ADPRHL1: variants seen among roughly 807,000 people sequenced by gnomAD.
ADPRHL1 encodes the protein inactive ADP-ribosyltransferase ARH2.
ADPRHL1 carries 43 observed loss-of-function variants against 44.1 expected under a neutral mutation model. That is an observed-to-expected ratio of 0.98 (90% CI 0.76 to 1.26). The LOEUF (loss-of-function observed/expected upper bound fraction) is 1.26. Ranked by LOEUF, ADPRHL1 falls within the 50% of genes most tolerant of loss-of-function variation. The pLI, the probability that ADPRHL1 is intolerant of heterozygous loss-of-function variation, is 0.00. For synonymous variants in ADPRHL1, 878 were observed against 1,017.4 expected, an observed-to-expected ratio of 0.86 and a Z score of 2.61; for missense variants, 2,022 against 2,496.9, an observed-to-expected ratio of 0.81 and a Z score of 4.05.
At chr13:113,414,083 G>A (rs936378434) in intron 7 of ADPRHL1, among the ~76,000 whole-genome samples, 1 of 152,222 alleles carries the variant, frequency 6.6e-6, no homozygotes, top group Non-Finnish European at 1.5e-5. Flanking sequence ...GGGCTCACCC[G>A]AGCCTGGCCC....
In ADPRHL1 at chr13:113,403,926, T is replaced by C. The variant is rs1421924683; in HGVS notation, c.5356A>G (p.Ile1786Val). ...ARDQGWEQTQ[I>V]ETQRQTQKGA... ...TTCTGGGTCTGCCTCTGAGTCTCTA[T>C]CTGGGTCTGCTCCCAGCCCTGATCC... Residue 1786 changes from isoleucine (I) to valine (V), a missense_variant, in exon 8 of 8, where the codon ATA becomes GTA. Transcript: ENST00000612156. The C allele has an allele frequency of 2.4e-6, 3 of 1,260,932 alleles. No homozygotes were observed. The highest frequency in any genetic ancestry group is 6.4e-5 in the East Asian group (2 of 31,080). The allele number at this position is 1,260,932 out of a possible 1,614,324, so 78.1% of individuals were successfully genotyped here. A position where few individuals can be genotyped will look rare whatever the true frequency, so the allele number is the denominator to read the frequency against.
rs1471206512 is a variant in ADPRHL1, at chr13:113,405,605, C to T, written c.3677G>A (p.Arg1226Gln). The T allele has an allele frequency of 4.9e-5, 60 of 1,232,500 alleles. No individual in the cohort carries two copies. The highest frequency in any genetic ancestry group is 6.1e-5 in the Non-Finnish European group (60 of 988,660). 76.3% of individuals were successfully genotyped at this position (1,232,500 alleles called of 1,614,324 possible). Residue 1226 changes from arginine to glutamine, a missense_variant, in exon 8 of 8, where the codon CGA becomes CAA. Around this residue, in one of 8 missense-constraint regions of ADPRHL1, gnomAD observed 1,221 missense variants for 1,517.8 expected, o/e 0.80. Coordinates refer to ENST00000612156, the MANE Select transcript of ADPRHL1 (RefSeq NM_001394807.1). ...AALARHPEAARLYISNTSAAS... is the reference protein window; with the variant it reads ...AALARHPEAAQLYISNTSAAS... ...TGCTGATGTGTTTGAAATGTATAAT[C>T]GGGCCGCCTCTGGGTGCCGGGCGAG... is the stretch of plus-strand genomic sequence containing the variant.
Position 113,407,290 on chromosome 13 carries a change from G to A in ADPRHL1, c.1992C>T (p.Pro664=), listed in dbSNP as rs1037305531. 1.4e-5 allele frequency: 17 copies of A among 1,232,018 alleles called. No homozygotes were observed. Among genetic ancestry groups the A allele is most frequent in the Non-Finnish European group, 1.7e-5 (17 of 988,062 alleles). 76.3% of individuals were successfully genotyped at this position (1,232,018 alleles called of 1,614,324 possible). ...CCTTTCCCACTGCTTTGTTCCCACT[G>A]GGCCCCGTCTCCCTGGCACTAGGGG... ...SVPPSARETG[P]SGNKAVGKGP... The change falls in exon 8 of 8, where the codon CCC becomes CCT. Residue 664 remains proline (P), a synonymous_variant. Coordinates refer to ENST00000612156, the MANE Select transcript of ADPRHL1 (RefSeq NM_001394807.1).
In ADPRHL1 at chr13:113,442,528, G is replaced by A. The variant is rs530317906; in HGVS notation, c.379+1897C>T. ...AGTAGCTTAATGATGTGGCTCCACC[G>A]TCTTCTCACTCACATCGCTCTGACA... On this transcript the variant is annotated intron_variant, in intron 2 of 7. Transcript: ENST00000612156. Among the ~76,000 whole-genome samples the A allele has an allele frequency of 1.8e-4, 27 of 152,276 alleles. 1 individual carries two copies. In the South Asian group the frequency reaches 5.2e-3, roughly 29 times the overall value.
chr13:113,403,846 C>A lies in ADPRHL1; in HGVS notation c.5436G>T (p.Gly1812=), dbSNP rs956253423. ...GCTGCTCCCAGGCCCGAGGCGCCATCCCACTTGTCAAGGCCTGTTCCCGAC... is the reference window on the plus strand; with the variant it reads ...GCTGCTCCCAGGCCCGAGGCGCCATACCACTTGTCAAGGCCTGTTCCCGAC... ...EQGREQALTS[G]MAPRAWEQPI... Residue 1812 remains glycine (G), a synonymous_variant, in exon 8 of 8, where the codon GGG becomes GGT. Coordinates refer to ENST00000612156, the MANE Select transcript of ADPRHL1 (RefSeq NM_001394807.1). 16 of 1,101,022 alleles carry A rather than the reference C, an allele frequency of 1.5e-5. No homozygotes were observed. The highest frequency in any genetic ancestry group is 5.6e-5 in the Admixed American group (1 of 17,700). 68.2% of individuals were successfully genotyped at this position (1,101,022 alleles called of 1,614,324 possible).
At chr13:113,424,997 T>TTATTGAG in intron 5 of ADPRHL1, 55 bp downstream of exon 5, 1 of 1,605,140 alleles carries the variant, frequency 6.2e-7, no homozygotes, top group Non-Finnish European at 8.5e-7. Context: ...TGCTATGCAC[T>TTATTGAG]TATTGAGCAC....
chr13:113,407,981 G>A lies in ADPRHL1; in HGVS notation c.1301C>T (p.Ala434Val), dbSNP rs1027490679. 4.9e-6 allele frequency: 6 copies of A among 1,232,124 alleles called. No individual in the cohort carries two copies. The highest frequency in any genetic ancestry group is 8.4e-5 in the Admixed American group (2 of 23,714). 76.3% of individuals were successfully genotyped at this position (1,232,124 alleles called of 1,614,324 possible). The stretch of plus-strand genomic sequence containing the variant: ...CTCCCGGCCAGTGCCCAGGAACTTG[G>A]CCTGCAGGAGCTGGAAGCGCGTGGG... ...QRPTRFQLLQ[A>V]KFLGTGRERY... The change falls in exon 8 of 8, where the codon GCC (alanine) becomes GTC (valine). Residue 434 changes from alanine (A) to valine (V), a missense_variant. Transcript: ENST00000612156.
intron 2 of ADPRHL1, among the ~76,000 whole-genome samples, chr13:113,435,489 T>C (rs1312549021): frequency 1.5e-3 from 63 of 42,786 alleles, no homozygotes; most frequent in Admixed American, 1.8e-3. Flanking sequence ...CACCCAGGTG[T>C]AGAGTGAACA....
rs1354552966 is a variant in ADPRHL1, at chr13:113,409,063, G to A, written c.1062-843C>T. ...CTTAGAGGAGCCACTGAGGCTGGGG[G>A]CTGCCGCCCTTTCCCAGTGAGATGT... is the stretch of plus-strand genomic sequence containing the variant. On this transcript the variant is annotated intron_variant, in intron 7 of 7. Transcript: ENST00000612156. The surrounding 1 kb of genome is among the most constrained non-coding windows in gnomAD (Gnocchi z 4.2). Among the ~76,000 whole-genome samples, 1 of 152,244 alleles carries A rather than the reference G, an allele frequency of 6.6e-6. No homozygotes were observed. Among genetic ancestry groups the A allele is most frequent in the Non-Finnish European group, 1.5e-5 (1 of 68,044 alleles).
rs866482844 is a variant in ADPRHL1, at chr13:113,400,227, G to C, written c.*3151C>G. On this transcript the variant is annotated 3_prime_UTR_variant, in exon 8 of 8. Coordinates refer to ENST00000612156, the MANE Select transcript of ADPRHL1 (RefSeq NM_001394807.1). ...GTGGCGCAATCTCGGCTCACTGCAA[G>C]CTCCACCTCCCGGGTTCACGCCATT... is the stretch of plus-strand genomic sequence containing the variant. 4 of 145,756 alleles carry C rather than the reference G, an allele frequency of 2.7e-5. No homozygotes were observed. The highest frequency in any genetic ancestry group is 7.6e-5 in the African/African-American group (3 of 39,276). 9.0% of individuals were successfully genotyped at this position (145,756 alleles called of 1,614,324 possible).
In ADPRHL1 at chr13:113,432,716, C is replaced by T. The variant is rs573703547; in HGVS notation, c.505+1026G>A. 2.0e-5 allele frequency among the ~76,000 whole-genome samples: 3 copies of T among 152,072 alleles called. No individual in the cohort carries two copies. The South Asian group carries it at 6.2e-4, about 32-fold the overall frequency. ...GTGTTGATCGAAGGCCGGTTGCTCA[C>T]CGCTGTTCTCACGGAGGGGTGGGCA... On this transcript the variant is annotated intron_variant, in intron 3 of 7. Transcript: ENST00000612156.
chr13:113,404,497 C>T lies in ADPRHL1; in HGVS notation c.4785G>A (p.Gln1595=). 7.6e-7 allele frequency: 1 copy of T among 1,315,790 alleles called. No individual in the cohort carries two copies. Among genetic ancestry groups the T allele is most frequent in the Non-Finnish European group, 9.6e-7 (1 of 1,039,874 alleles). The allele number at this position is 1,315,790 out of a possible 1,614,324, so 81.5% of individuals were successfully genotyped here. The change falls in exon 8 of 8, where the codon CAG becomes CAA. Residue 1595 remains glutamine, a synonymous_variant. Coordinates refer to ENST00000612156, the MANE Select transcript of ADPRHL1 (RefSeq NM_001394807.1). ...CCTCTCCTTGAACCTGTTTCTGGGCCTGTCCCTGAATCTGCCCCTGAGCCC... is the reference window on the plus strand; with the variant it reads ...CCTCTCCTTGAACCTGTTTCTGGGCTTGTCCCTGAATCTGCCCCTGAGCCC... ...QKWAQGQIQG[Q]AQKQVQGEVQ...
At chr13:113,420,956 G>C (rs1452228568) in intron 7 of ADPRHL1, among the ~76,000 whole-genome samples, 4 of 3,132 alleles carry the variant, frequency 1.3e-3, no homozygotes, top group African/African-American at 2.7e-3. Flanking sequence ...TACCCCCCCC[G>C]ACACGCCCTG....
chr13:113,411,613 AC>A (rs1247910498), intron 7 of ADPRHL1, among the ~76,000 whole-genome samples: 1 of 152,182 alleles, frequency 6.6e-6, no homozygotes, highest in Non-Finnish European at 1.5e-5. Flanking sequence ...ATCATCTGAG[AC>A]ACGTTTTCAC....
At chr13:113,446,040 C>G (rs1281799947) in intron 1 of ADPRHL1, among the ~76,000 whole-genome samples, 2 of 150,056 alleles carry the variant, frequency 1.3e-5, no homozygotes, top group African/African-American at 4.9e-5. Flanking sequence ...GCAAACCCCA[C>G]AGAGAGAGCG....
chr13:113,426,159 C>A (rs866999265), intron 4 of ADPRHL1, among the ~76,000 whole-genome samples: 1 of 152,234 alleles, frequency 6.6e-6, no homozygotes, highest in Non-Finnish European at 1.5e-5. Flanking sequence ...GCCAAGAGGA[C>A]GCTGACTCAG....
At chr13:113,444,718 G>A (rs1377770549) in intron 1 of ADPRHL1, 129 bp from the exon 2 acceptor site, 5 of 1,090,032 alleles carry the variant, frequency 4.6e-6, no homozygotes, top group Non-Finnish European at 5.2e-6. Context: ...TGCCTCCCGG[G>A]TTCACTCCGT....
chr13:113,419,259 C>T (rs553668505), intron 7 of ADPRHL1, among the ~76,000 whole-genome samples: 1 of 141,848 alleles, frequency 7.0e-6, no homozygotes, highest in East Asian at 2.0e-4. Flanking sequence ...GGCGCCAACA[C>T]CATACCCAGC....
At chr13:113,416,794 C>G (rs1208538759) in intron 7 of ADPRHL1, among the ~76,000 whole-genome samples, 6 of 152,152 alleles carry the variant, frequency 3.9e-5, no homozygotes, top group Admixed American at 2.6e-4. Context: ...TACAGAAGAG[C>G]CTGTCTTTTC....
Sources: gnomAD v4.1 joint callset for allele counts (sites outside exome capture counted in the v4.1 genomes callset) on GRCh38, gnomAD v4.1.1 for gene constraint, gnomAD v4.1.1 regional missense constraint, Gnocchi (gnomAD v3.1) non-coding constraint, MANE v1.5 for transcripts, NCBI Gene and HGNC (gene_info 2026-07-23, HGNC 2026-07-21) for gene names.